The following NMUR2 variants were observed in gnomAD, a reference collection of about 807,000 sequenced individuals.
NMUR2 encodes neuromedin-U receptor 2.
Under a neutral mutation model 25.1 loss-of-function variants are expected in NMUR2, and 24 were observed. The observed-to-expected ratio is 0.96, with a 90% confidence interval of 0.69 to 1.34. The LOEUF (loss-of-function observed/expected upper bound fraction) is 1.34, where lower values mean the gene tolerates loss of function less well. NMUR2 is among the 40% of genes most tolerant of loss of function. NMUR2 has a pLI of 0.00. For synonymous variants in NMUR2, 218 were observed against 208.1 expected, an observed-to-expected ratio of 1.05 and a Z score of -0.41; for missense variants, 533 against 512.8, an observed-to-expected ratio of 1.04 and a Z score of -0.38.
intron 1 of NMUR2, among the ~76,000 whole-genome samples, chr5:152,403,770 A>G (rs1753297953): frequency 6.8e-6 from 1 of 146,876 alleles, no homozygotes; most frequent in Admixed American, 6.9e-5. Context: ...TACATATAAT[A>G]TATATAGTTT....
intron 2 of NMUR2, among the ~76,000 whole-genome samples, chr5:152,397,005 G>A (rs72791439): frequency 0.13 from 18,497 of 140,668 alleles, 1,717 homozygotes; most frequent in Admixed American, 0.22. Context: ...ATATGAGTGA[G>A]CTTCATGTTT....
rs898883681 is a variant in NMUR2, at chr5:152,404,927, T to C, written c.187A>G (p.Asn63Asp). ...AGAATCACCAGGCACACCAGGACAT[T>C]GCCAATGACCCCCACCACAAAAATT... ...VPIFVVGVIGNVLVCLVILQH... is the reference protein window; with the variant it reads ...VPIFVVGVIGDVLVCLVILQH... Residue 63 changes from asparagine to aspartate, a missense_variant, in exon 1 of 4, where the codon AAT becomes GAT. By Grantham distance (23) the Asn-to-Asp change is conservative (BLOSUM62 1). Transcript: ENST00000255262. The C allele has an allele frequency of 3.1e-6, 5 of 1,613,682 alleles. No individual in the cohort carries two copies. In the African/African-American group the frequency reaches 6.7e-5, roughly 22 times the overall value.
intron 3 of NMUR2, 33 bp from the exon 4 acceptor site, chr5:152,392,534 A>G (rs1011812135): frequency 1.9e-6 from 3 of 1,558,622 alleles, no homozygotes; most frequent in Non-Finnish European, 2.6e-6. Flanking sequence ...AGATGTGCTG[A>G]GAAGAACTTA....
rs887411340 is a variant in NMUR2 at position 152,391,893 on chromosome 5, A to G, written c.*298T>C. 7.7e-6 allele frequency: 2 copies of G among 259,060 alleles called. No homozygotes were observed. The highest frequency in any genetic ancestry group is 4.4e-5 in the African/African-American group (2 of 45,186). The allele number at this position is 259,060 out of a possible 1,614,324, so 16.0% of individuals were successfully genotyped here. Reference sequence around the variant, plus strand: ...GACTCAGGACGAACCATTTCCATTAATGGAAATTAATCAAGGTATAGGTGC... The same window carrying G: ...GACTCAGGACGAACCATTTCCATTAGTGGAAATTAATCAAGGTATAGGTGC... On this transcript the variant is annotated 3_prime_UTR_variant, in exon 4 of 4. Coordinates refer to ENST00000255262, the MANE Select transcript of NMUR2 (RefSeq NM_020167.5).
chr5:152,397,997 A>G lies in NMUR2; in HGVS notation c.811+63T>C, dbSNP rs531068468. 14 of 1,175,370 alleles carry G rather than the reference A, an allele frequency of 1.2e-5. No individual in the cohort carries two copies. The African/African-American group carries it at 2.1e-4, about 18-fold the overall frequency. The allele number at this position is 1,175,370 out of a possible 1,614,324, so 72.8% of individuals were successfully genotyped here. ...CCTACCCCAGCAGCATTTAGTTGGTACCAAATGTACCTCCTTTGCTCTTAT... is the reference window on the plus strand; with the variant it reads ...CCTACCCCAGCAGCATTTAGTTGGTGCCAAATGTACCTCCTTTGCTCTTAT... On this transcript the variant is annotated intron_variant, in intron 2 of 3. Coordinates refer to ENST00000255262, the MANE Select transcript of NMUR2 (RefSeq NM_020167.5).
Position 152,404,661 on chromosome 5 carries a change from C to A in NMUR2, c.453G>T (p.Pro151=), listed in dbSNP as rs749512728. The part of the protein sequence containing the change: ...SVERYVAILH[P]FRAKLQSTRR... ...GGGTGCTCTGCAGTTTGGCGCGGAA[C>A]GGGTGTAGGATGGCCACGTAGCGCT... Residue 151 remains proline (P), a synonymous_variant, in exon 1 of 4, where the codon CCG becomes CCT. Coordinates refer to ENST00000255262, the MANE Select transcript of NMUR2 (RefSeq NM_020167.5). 9 of 1,613,742 alleles carry A rather than the reference C, an allele frequency of 5.6e-6. No individual in the cohort carries two copies. The Admixed American group carries it at 1.5e-4, about 27-fold the overall frequency.
chr5:152,402,131 G>A (rs1047020385), intron 1 of NMUR2, among the ~76,000 whole-genome samples: 5 of 152,082 alleles, frequency 3.3e-5, no homozygotes, highest in Non-Finnish European at 4.4e-5. Flanking sequence ...GGAAAATCAC[G>A]GAGAGCCATG....
At position 152,391,824 on chromosome 5, in the gene NMUR2, T is replaced by G. The variant is rs1580884626; in HGVS notation, c.*367A>C. The stretch of plus-strand genomic sequence containing the variant: ...CATGTCTTCCTTCTGTGGCTCACAG[T>G]GGCCATTGGTAGTAGGAGTGACAGC... On this transcript the variant is annotated 3_prime_UTR_variant, in exon 4 of 4. Coordinates refer to ENST00000255262, the MANE Select transcript of NMUR2 (RefSeq NM_020167.5). 1.6e-5 allele frequency: 3 copies of G among 183,940 alleles called. No individual in the cohort carries two copies. The East Asian group carries it at 4.0e-4, about 25-fold the overall frequency. 11.4% of individuals were successfully genotyped at this position (183,940 alleles called of 1,614,324 possible). A position where few individuals can be genotyped will look rare whatever the true frequency, so the allele number is the denominator to read the frequency against.
At position 152,404,992 on chromosome 5, in the gene NMUR2, C is replaced by T. The variant is rs779708928; in HGVS notation, c.122G>A (p.Arg41His). 6.8e-6 allele frequency: 11 copies of T among 1,613,898 alleles called. No homozygotes were observed. The highest frequency in any genetic ancestry group is 5.0e-5 in the Admixed American group (3 of 60,018). The part of the protein sequence containing the change: ...EYLAFLCGPR[R>H]SHFFLPVSVV... ...AGACACGGGGAGGAAGAAGTGGCTG[C>T]GCCGAGGTCCGCAGAGGAAGGCCAG... Residue 41 changes from arginine (R) to histidine (H), a missense_variant, in exon 1 of 4, where the codon CGC becomes CAC. Physicochemically the swap from Arg to His is conservative, Grantham distance 29. Coordinates refer to ENST00000255262, the MANE Select transcript of NMUR2 (RefSeq NM_020167.5).
Position 152,392,083 on chromosome 5 carries a change from A to T in NMUR2, c.*108T>A. Reference sequence around the variant, plus strand: ...AAAAAAAACTAGCAATGGGTACATGAGTTGTAAGAGCCATTCTACCTCTCT... The same window carrying T: ...AAAAAAAACTAGCAATGGGTACATGTGTTGTAAGAGCCATTCTACCTCTCT... On this transcript the variant is annotated 3_prime_UTR_variant, in exon 4 of 4. Coordinates refer to ENST00000255262, the MANE Select transcript of NMUR2 (RefSeq NM_020167.5). The T allele has an allele frequency of 6.6e-6, 6 of 914,790 alleles. No individual in the cohort carries two copies. The highest frequency in any genetic ancestry group is 1.0e-5 in the Non-Finnish European group (6 of 592,964). The allele number at this position is 914,790 out of a possible 1,614,324, so 56.7% of individuals were successfully genotyped here.
intron 2 of NMUR2, among the ~76,000 whole-genome samples, chr5:152,397,194 T>A (rs9324727): frequency 0.019 from 2,894 of 152,136 alleles, 90 homozygotes; most frequent in African/African-American, 0.066. Flanking sequence ...TATTTTTTGT[T>A]CAGAAATGCT....
In NMUR2 at chr5:152,405,070, T is replaced by C. The variant is rs759643525; in HGVS notation, c.44A>G (p.Gln15Arg). ...CTGGAATGGATCTTCTAGTTTCTGCTGGTAGATCCAGGAAGCATTCTGAAG... is the reference window on the plus strand; with the variant it reads ...CTGGAATGGATCTTCTAGTTTCTGCCGGTAGATCCAGGAAGCATTCTGAAG... ...EKLQNASWIY[Q>R]QKLEDPFQKH... Residue 15 changes from glutamine (Q) to arginine (R), a missense_variant, in exon 1 of 4, where the codon CAG (glutamine) becomes CGG (arginine). Coordinates refer to ENST00000255262, the MANE Select transcript of NMUR2 (RefSeq NM_020167.5). 18 of 1,612,856 alleles carry C rather than the reference T, an allele frequency of 1.1e-5. No individual in the cohort carries two copies. The highest frequency in any genetic ancestry group is 1.4e-5 in the Non-Finnish European group (16 of 1,179,792).
In NMUR2 at chr5:152,395,694, G is replaced by A. The variant is rs1383236988; in HGVS notation, c.812-110C>T. The stretch of plus-strand genomic sequence containing the variant: ...TCTGGCAGTTTTTCCCTTCAACTTT[G>A]TTAAGCTATAACAGTTATAGAGGCA... On this transcript the variant is annotated intron_variant, in intron 2 of 3. Transcript: ENST00000255262. The A allele has an allele frequency of 6.8e-6, 9 of 1,330,552 alleles. No homozygotes were observed. In the Admixed American group the frequency reaches 6.8e-5, roughly 10 times the overall value. The allele number at this position is 1,330,552 out of a possible 1,614,324, so 82.4% of individuals were successfully genotyped here.
intron 3 of NMUR2, among the ~76,000 whole-genome samples, chr5:152,393,470 GGA>G (rs1178421557): frequency 6.6e-6 from 1 of 152,086 alleles, no homozygotes; most frequent in Non-Finnish European, 1.5e-5. Context: ...GAATGTTAAA[GGA>G]GAATATTTCT....
At chr5:152,394,370 T>C (rs1055818792) in intron 3 of NMUR2, among the ~76,000 whole-genome samples, 1 of 152,204 alleles carries the variant, frequency 6.6e-6, no homozygotes, top group African/African-American at 2.4e-5. Context: ...ATATTCAGTA[T>C]AGATGTCATT....
intron 1 of NMUR2, among the ~76,000 whole-genome samples, chr5:152,401,613 C>A (rs548863584): frequency 6.6e-6 from 1 of 152,316 alleles, no homozygotes; most frequent in South Asian, 2.1e-4. Context: ...ATCCTCATCA[C>A]CTCAATCATG....
chr5:152,397,599 T>C (rs948648730), intron 2 of NMUR2, among the ~76,000 whole-genome samples: 3 of 112,462 alleles, frequency 2.7e-5, no homozygotes, highest in African/African-American at 7.8e-5. Context: ...TTGTTCATTT[T>C]TTTTTTTTTT....
At position 152,391,596 on chromosome 5, in the gene NMUR2, CATG is replaced by C. The variant is rs1753061129; in HGVS notation, c.*592_*594del. The C allele has an allele frequency of 6.6e-6, 1 of 152,606 alleles. No individual in the cohort carries two copies. The highest frequency in any genetic ancestry group is 2.4e-5 in the African/African-American group (1 of 41,436). 9.5% of individuals were successfully genotyped at this position (152,606 alleles called of 1,614,324 possible). A position where few individuals can be genotyped will look rare whatever the true frequency, so the allele number is the denominator to read the frequency against. On this transcript the variant is annotated 3_prime_UTR_variant, in exon 4 of 4. Transcript: ENST00000255262. The stretch of plus-strand genomic sequence containing the variant: ...AAAATTATGACAATTGATACAGAGA[CATG>C]AAGTGAGCACATGCCTTTGGGAAGA...
chr5:152,391,975 G>T lies in NMUR2; in HGVS notation c.*216C>A. 4.0e-6 allele frequency: 2 copies of T among 506,220 alleles called. No individual in the cohort carries two copies. The highest frequency in any genetic ancestry group is 3.5e-6 in the Non-Finnish European group (1 of 284,528). 31.4% of individuals were successfully genotyped at this position (506,220 alleles called of 1,614,324 possible). The stretch of plus-strand genomic sequence containing the variant: ...CTAGTGAAGGGGCATGAGGCAGTTA[G>T]GATAGTGGAAAGATAACTAAAAATC... On this transcript the variant is annotated 3_prime_UTR_variant, in exon 4 of 4. Coordinates refer to ENST00000255262, the MANE Select transcript of NMUR2 (RefSeq NM_020167.5).
Sources: gnomAD v4.1 joint callset for allele counts (sites outside exome capture counted in the v4.1 genomes callset) on GRCh38, gnomAD v4.1.1 for gene constraint, MANE v1.5 for transcripts, NCBI Gene and HGNC (gene_info 2026-07-23, HGNC 2026-07-21) for gene names.